The following BTBD9 variants were observed in gnomAD, a reference collection of about 807,000 sequenced individuals.
BTBD9 encodes the protein BTB domain containing 9.
A neutral mutation model predicts 64.3 loss-of-function variants in BTBD9; 49 were observed. The ratio of observed to expected loss-of-function variants is 0.76; its 90% CI spans 0.61 to 0.97. The LOEUF (loss-of-function observed/expected upper bound fraction) is 0.97, where lower values mean the gene tolerates loss of function less well. Among genes scored for constraint, BTBD9 ranks in the 50% least tolerant of loss-of-function variants. The pLI is 0.00. For missense variants in BTBD9, 598 were observed against 762.1 expected, an observed-to-expected ratio of 0.78 and a Z score of 2.53; for synonymous variants, 260 against 274.7, an observed-to-expected ratio of 0.95 and a Z score of 0.53.
chr6:38,455,628 T>C (rs2127343846), intron 6 of BTBD9, among the ~76,000 whole-genome samples: 1 of 152,372 alleles, frequency 6.6e-6, no homozygotes, highest in South Asian at 2.1e-4. Context: ...TACTCCATAA[T>C]ATGGATATAC....
chr6:38,559,173 A>C (rs1374888349), intron 6 of BTBD9, among the ~76,000 whole-genome samples: 1 of 152,114 alleles, frequency 6.6e-6, no homozygotes, highest in African/African-American at 2.4e-5. Flanking sequence ...GAATTGTTCC[A>C]TTTCTTCTCG....
chr6:38,631,900 G>A (rs192598019), intron 1 of BTBD9, among the ~76,000 whole-genome samples: 153 of 152,326 alleles, frequency 1.0e-3, no homozygotes, highest in African/African-American at 3.3e-3. Context: ...AGGCTAAGGC[G>A]GGCAGATCAT....
chr6:38,270,644 A>G (rs1399830366), intron 8 of BTBD9, among the ~76,000 whole-genome samples: 4 of 152,218 alleles, frequency 2.6e-5, no homozygotes, highest in African/African-American at 7.2e-5. Context: ...AAGGATACAT[A>G]TGAATAGCCT....
intron 6 of BTBD9, among the ~76,000 whole-genome samples, chr6:38,522,285 A>G (rs1294215539): frequency 2.0e-5 from 3 of 152,194 alleles, no homozygotes; most frequent in Non-Finnish European, 2.9e-5. Flanking sequence ...ACAAAAAAAC[A>G]AAAAACCAAC....
intron 7 of BTBD9, among the ~76,000 whole-genome samples, chr6:38,327,598 G>C (rs920898979): frequency 6.6e-6 from 1 of 152,030 alleles, no homozygotes; most frequent in East Asian, 1.9e-4. Context: ...ATAATAAACT[G>C]CACATATTTT....
chr6:38,558,699 G>A (rs573596223), intron 6 of BTBD9, among the ~76,000 whole-genome samples: 12 of 152,298 alleles, frequency 7.9e-5, no homozygotes, highest in East Asian at 7.7e-4. Flanking sequence ...ATTGATGTGC[G>A]TATGTTGAAC....
At chr6:38,606,010 T>C (rs555173507) in intron 1 of BTBD9, among the ~76,000 whole-genome samples, 1 of 152,342 alleles carries the variant, frequency 6.6e-6, no homozygotes, top group Admixed American at 6.5e-5. Flanking sequence ...AACAGCCGAC[T>C]TGCTGAGTCT....
intron 1 of BTBD9, among the ~76,000 whole-genome samples, chr6:38,615,435 A>T (rs759775549): frequency 1.6e-4 from 25 of 152,034 alleles, no homozygotes; most frequent in Non-Finnish European, 3.1e-4. Context: ...CTGCAACCCA[A>T]CCACCTCCCC....
intron 6 of BTBD9, among the ~76,000 whole-genome samples, chr6:38,567,363 T>C (rs1169764737): frequency 1.3e-5 from 2 of 152,234 alleles, no homozygotes; most frequent in African/African-American, 4.8e-5. Context: ...TTCATGTGTA[T>C]ATATGACCCA....
chr6:38,619,505 T>C (rs897046468), intron 1 of BTBD9, among the ~76,000 whole-genome samples: 13 of 152,162 alleles, frequency 8.5e-5, no homozygotes, highest in Admixed American at 8.5e-4. Context: ...CCCTTGCCCA[T>C]GTCCACTATG....
intron 6 of BTBD9, among the ~76,000 whole-genome samples, chr6:38,521,777 C>A (rs1773281235): frequency 6.6e-6 from 1 of 152,092 alleles, no homozygotes; most frequent in Non-Finnish European, 1.5e-5. Context: ...TGCGTTTAAG[C>A]AATTCTCCTG....
rs191483445 is a variant in BTBD9 at position 38,604,609 on chromosome 6, T to C, written c.-27-6488A>G. The stretch of plus-strand genomic sequence containing the variant: ...CAAGTAATGTAAATTCTAAAACTCA[T>C]AGGGTGGCTATGATTTTATGAAATT... On this transcript the variant is annotated intron_variant, in intron 1 of 10. Transcript: ENST00000481247. Among the ~76,000 whole-genome samples the C allele has an allele frequency of 5.9e-3, 898 of 152,268 alleles. 4 individuals are homozygous for C. Among genetic ancestry groups the C allele is most frequent in the Non-Finnish European group, 0.01 (680 of 68,000 alleles).
chr6:38,354,894 A>C lies in BTBD9; in HGVS notation c.1155-9801T>G, dbSNP rs908431056. On this transcript the variant is annotated intron_variant, in intron 6 of 10. Transcript: ENST00000481247. Reference sequence around the variant, plus strand: ...GCACAGAAATGCAAACAATAACAGGAGAGAAAGAGAGAGACAGAGAGAAAG... The same window carrying C: ...GCACAGAAATGCAAACAATAACAGGCGAGAAAGAGAGAGACAGAGAGAAAG... 2.0e-5 allele frequency among the ~76,000 whole-genome samples: 3 copies of C among 151,716 alleles called. No individual in the cohort carries two copies. In the South Asian group the frequency reaches 6.2e-4, roughly 31 times the overall value.
intron 6 of BTBD9, among the ~76,000 whole-genome samples, chr6:38,537,457 C>T (rs1365992352): frequency 1.3e-5 from 2 of 152,178 alleles, no homozygotes; most frequent in Non-Finnish European, 1.5e-5. Flanking sequence ...ATCAAAGACT[C>T]CTGCAGGGCA....
intron 6 of BTBD9, among the ~76,000 whole-genome samples, chr6:38,474,733 A>C (rs1770802137): frequency 6.6e-6 from 1 of 152,142 alleles, no homozygotes; most frequent in Admixed American, 6.5e-5. Flanking sequence ...GCATAGAGAT[A>C]TCCTCCTGTC....
chr6:38,460,865 C>T (rs146457034), intron 6 of BTBD9, among the ~76,000 whole-genome samples: 284 of 152,286 alleles, frequency 1.9e-3, no homozygotes, highest in Non-Finnish European at 2.2e-3. Flanking sequence ...TCAGGTGATC[C>T]GCCCACCTTG....
chr6:38,236,268 T>C (rs1763775059), intron 9 of BTBD9, among the ~76,000 whole-genome samples: 1 of 152,226 alleles, frequency 6.6e-6, no homozygotes, highest in South Asian at 2.1e-4. Flanking sequence ...AGGTCCTCTC[T>C]GAAACCACAA....
intron 8 of BTBD9, among the ~76,000 whole-genome samples, chr6:38,284,875 A>C (rs908928957): frequency 6.6e-6 from 1 of 152,142 alleles, no homozygotes; most frequent in African/African-American, 2.4e-5. Context: ...GAGAGATGCA[A>C]ACAATGATAT....
At chr6:38,618,955 C>G (rs1190398906) in intron 1 of BTBD9, among the ~76,000 whole-genome samples, 1 of 152,166 alleles carries the variant, frequency 6.6e-6, no homozygotes, top group Non-Finnish European at 1.5e-5. Flanking sequence ...CCACTGGGAC[C>G]TAGACTCAGA....
Sources: gnomAD v4.1 joint callset for allele counts (sites outside exome capture counted in the v4.1 genomes callset) on GRCh38, gnomAD v4.1.1 for gene constraint, MANE v1.5 for transcripts, NCBI Gene and HGNC (gene_info 2026-07-23, HGNC 2026-07-21) for gene names.